AK9: variants seen among roughly 807,000 people sequenced by gnomAD.
AK9 encodes the protein adenylate kinase domain containing 1.
Under a neutral mutation model 239.6 loss-of-function variants are expected in AK9, and 191 were observed. The ratio of observed to expected loss-of-function variants is 0.80; its 90% CI spans 0.71 to 0.90. The LOEUF (loss-of-function observed/expected upper bound fraction) is 0.90, where lower values mean the gene tolerates loss of function less well. AK9 is among the 40% of genes least tolerant of loss of function. The probability of loss-of-function intolerance (pLI) is 0.00; values close to 1 mark genes in which losing one functional copy is unlikely to be tolerated. For missense variants in AK9, 1,995 were observed against 2,214.7 expected, an observed-to-expected ratio of 0.90 and a Z score of 1.99; for synonymous variants, 689 against 721.0, an observed-to-expected ratio of 0.96 and a Z score of 0.71.
chr6:109,524,679 T>C (rs2128125733), intron 29 of AK9, among the ~76,000 whole-genome samples: 1 of 152,320 alleles, frequency 6.6e-6, no homozygotes, highest in South Asian at 2.1e-4. Flanking sequence ...AAACAAGGCT[T>C]ACTTTCCTAT....
In AK9 at chr6:109,515,998, C is replaced by G; in HGVS notation, c.3924G>C (p.Leu1308Phe). 1 of 1,551,222 alleles carries G rather than the reference C, an allele frequency of 6.4e-7. No individual in the cohort carries two copies. The change falls in exon 31 of 41, where the codon TTG (leucine) becomes TTC (phenylalanine). Residue 1308 changes from leucine (L) to phenylalanine (F), a missense_variant. Transcript: ENST00000424296. The stretch of plus-strand genomic sequence containing the variant: ...CCACCAGTGGTTTCAGTTTCATATT[C>G]AATGTATATTGTACAATGTGATTTC... ...ARRNHIVQYT[L>F]NMKLKPLVEN... is the part of the protein sequence containing the mutation.
chr6:109,676,748 G>T (rs935336260), intron 1 of AK9, among the ~76,000 whole-genome samples: 2 of 151,902 alleles, frequency 1.3e-5, no homozygotes, highest in Admixed American at 6.6e-5. Flanking sequence ...TAGTTAAAAT[G>T]ATATAGCAAA....
chr6:109,535,009 T>A (rs1781790214), intron 27 of AK9, among the ~76,000 whole-genome samples: 1 of 152,240 alleles, frequency 6.6e-6, no homozygotes, highest in Non-Finnish European at 1.5e-5. Context: ...CTATCATTGA[T>A]GGACATTTGG....
At chr6:109,498,512 T>G (rs1430291645) in intron 36 of AK9, among the ~76,000 whole-genome samples, 1 of 152,272 alleles carries the variant, frequency 6.6e-6, no homozygotes, top group African/African-American at 2.4e-5. Context: ...TTTTTCTTGT[T>G]GTTGTTTTCA....
At chr6:109,496,678 G>A (rs1777069046) in intron 38 of AK9, among the ~76,000 whole-genome samples, 1 of 151,864 alleles carries the variant, frequency 6.6e-6, no homozygotes, top group African/African-American at 2.4e-5. Flanking sequence ...TGACATTCAT[G>A]CATTGGTGTT....
chr6:109,682,426 C>CAAAAAGAAAA (rs1772805732), intron 1 of AK9, among the ~76,000 whole-genome samples: 1 of 68,534 alleles, frequency 1.5e-5, no homozygotes, highest in African/African-American at 6.4e-5. Flanking sequence ...GACTCCGTCT[C>CAAAAAGAAAA]AAAAAAAAAA....
At chr6:109,519,206 C>A (rs11153185) in intron 29 of AK9, among the ~76,000 whole-genome samples, 1 of 152,110 alleles carries the variant, frequency 6.6e-6, no homozygotes, top group Non-Finnish European at 1.5e-5. Context: ...TTTCCTTTAC[C>A]CAGTCCACCA....
intron 1 of AK9, among the ~76,000 whole-genome samples, chr6:109,684,991 C>T (rs187995974): frequency 6.9e-6 from 1 of 145,772 alleles, no homozygotes; most frequent in Non-Finnish European, 1.5e-5. Flanking sequence ...AAATGCTCAT[C>T]ATCACTGGTC....
chr6:109,496,017 T>TA (rs1776997961), intron 38 of AK9, among the ~76,000 whole-genome samples: 1 of 152,178 alleles, frequency 6.6e-6, no homozygotes, highest in South Asian at 2.1e-4. Context: ...TTTTACTCCT[T>TA]AAATCCTATA....
chr6:109,630,500 A>G (rs1727618687), intron 12 of AK9, among the ~76,000 whole-genome samples: 1 of 152,216 alleles, frequency 6.6e-6, no homozygotes, highest in Non-Finnish European at 1.5e-5. Context: ...GTAAAGCTAA[A>G]ATAATTAAGT....
chr6:109,684,114 T>A (rs907113302), intron 1 of AK9, among the ~76,000 whole-genome samples: 5 of 152,198 alleles, frequency 3.3e-5, no homozygotes, highest in African/African-American at 1.2e-4. Context: ...AACCATCTGA[T>A]CTTTGACAAA....
intron 1 of AK9, chr6:109,690,782 G>A (rs1296758065): frequency 6.5e-6 from 1 of 153,178 alleles, no homozygotes; most frequent in East Asian, 1.9e-4. Flanking sequence ...CCGCCACACT[G>A]CGCTAGTCTC....
intron 13 of AK9, among the ~76,000 whole-genome samples, chr6:109,616,063 CCT>C (rs1583269148): frequency 1.3e-5 from 2 of 152,090 alleles, no homozygotes; most frequent in African/African-American, 4.8e-5. Context: ...TACTGAGACC[CCT>C]GTCTCTGCCA....
intron 24 of AK9, 84 bp downstream of exon 24, chr6:109,563,513 G>A: frequency 6.7e-7 from 1 of 1,502,090 alleles, no homozygotes; most frequent in Non-Finnish European, 8.9e-7. Flanking sequence ...TTCACTTGGG[G>A]TCCAAAAGTG....
At chr6:109,656,654 G>T in intron 8 of AK9, 102 bp downstream of exon 8, 2 of 1,296,084 alleles carry the variant, frequency 1.5e-6, no homozygotes, top group Non-Finnish European at 2.1e-6. Context: ...GGGAGAATCA[G>T]ACAGATAATA....
intron 5 of AK9, among the ~76,000 whole-genome samples, chr6:109,665,695 C>T (rs1801090608): frequency 6.6e-6 from 1 of 152,210 alleles, no homozygotes; most frequent in Non-Finnish European, 1.5e-5. Context: ...CTGGATGGAA[C>T]TCAGACCTTG....
chr6:109,587,501 C>T (rs925711613), intron 17 of AK9, among the ~76,000 whole-genome samples: 1 of 152,180 alleles, frequency 6.6e-6, no homozygotes, highest in African/African-American at 2.4e-5. Flanking sequence ...AAGCTCCCAT[C>T]ATTCACCACT....
intron 24 of AK9, among the ~76,000 whole-genome samples, chr6:109,554,525 CTTTTTTTTTTTT>C (rs3060760): frequency 2.6e-5 from 2 of 77,464 alleles, no homozygotes; most frequent in Admixed American, 1.8e-4. Context: ...TATTTCTTTT[CTTTTTTTTTTTT>C]TTTTTTTTTT....
chr6:109,570,111 T>C (rs1436971668), intron 21 of AK9, among the ~76,000 whole-genome samples: 1 of 152,178 alleles, frequency 6.6e-6, no homozygotes, highest in African/African-American at 2.4e-5. Context: ...TTAAAAAGGA[T>C]GAGCTCATGT....
Sources: allele counts gnomAD v4.1 joint callset (sites outside exome capture counted in the v4.1 genomes callset), GRCh38; gene constraint gnomAD v4.1.1; transcripts MANE v1.5; gene names NCBI Gene and HGNC (gene_info 2026-07-23, HGNC 2026-07-21).